MTUS2: variants seen among roughly 807,000 people sequenced by gnomAD.
The protein encoded by MTUS2 is microtubule associated scaffold protein 2.
A neutral mutation model predicts 114.1 loss-of-function variants in MTUS2; 40 were observed. That is an observed-to-expected ratio of 0.35 (90% CI 0.27 to 0.46). The LOEUF (loss-of-function observed/expected upper bound fraction) is 0.46, where lower values mean the gene tolerates loss of function less well. Ranked by LOEUF, MTUS2 falls within the 20% of genes least tolerant of loss-of-function variation. The probability of loss-of-function intolerance (pLI) is 1.00; values close to 1 mark genes in which losing one functional copy is unlikely to be tolerated. For synonymous variants in MTUS2, 688 were observed against 672.0 expected (o/e 1.02, Z -0.37); for missense variants, 1,679 against 1,705.4 (o/e 0.98, Z 0.27).
At chr13:29,123,793 C>G (rs1593501283) in intron 5 of MTUS2, among the ~76,000 whole-genome samples, 1 of 152,124 alleles carries the variant, frequency 6.6e-6, no homozygotes, top group Non-Finnish European at 1.5e-5. Context: ...CCTGGATAAA[C>G]TGGGAGTCTC....
chr13:28,893,897 C>T (rs1879075305), intron 2 of MTUS2, among the ~76,000 whole-genome samples: 1 of 152,026 alleles, frequency 6.6e-6, no homozygotes, highest in African/African-American at 2.4e-5. Context: ...AGCTAGGCAC[C>T]AGATCGACAT....
chr13:28,912,918 A>G (rs1222525597), intron 2 of MTUS2, among the ~76,000 whole-genome samples: 1 of 152,126 alleles, frequency 6.6e-6, no homozygotes, highest in African/African-American at 2.4e-5. Flanking sequence ...CATGTACACA[A>G]TACCTAATGC....
chr13:29,017,464 A>C (rs1460408643), intron 2 of MTUS2, among the ~76,000 whole-genome samples: 1 of 152,236 alleles, frequency 6.6e-6, no homozygotes, highest in Non-Finnish European at 1.5e-5. Flanking sequence ...AGAGCTGTAC[A>C]ACCGTACTTC....
chr13:29,039,135 T>C (rs1887223634), intron 4 of MTUS2, among the ~76,000 whole-genome samples: 1 of 152,186 alleles, frequency 6.6e-6, no homozygotes, highest in South Asian at 2.1e-4. Flanking sequence ...TAGAGGACTT[T>C]GTAGCGGTCC....
At chr13:28,900,357 C>T (rs1879572680) in intron 2 of MTUS2, among the ~76,000 whole-genome samples, 1 of 152,156 alleles carries the variant, frequency 6.6e-6, no homozygotes, top group Non-Finnish European at 1.5e-5. Context: ...GTTCATGTAT[C>T]ACTACCACAG....
At chr13:29,144,486 T>A (rs1234078001) in intron 5 of MTUS2, among the ~76,000 whole-genome samples, 1 of 152,106 alleles carries the variant, frequency 6.6e-6, no homozygotes, top group Non-Finnish European at 1.5e-5. Context: ...ACCTCAGCCT[T>A]CCAGTTTGCT....
At chr13:29,151,026 T>C (rs1284942929) in intron 5 of MTUS2, among the ~76,000 whole-genome samples, 3 of 152,216 alleles carry the variant, frequency 2.0e-5, no homozygotes, top group Admixed American at 6.5e-5. Context: ...TTATTTGGGC[T>C]CTTTTTTGGT....
chr13:29,256,583 G>A (rs1196260877), intron 5 of MTUS2, among the ~76,000 whole-genome samples: 1 of 152,240 alleles, frequency 6.6e-6, no homozygotes, highest in African/African-American at 2.4e-5. Flanking sequence ...CTGGCACTGA[G>A]GTCATTGTGA....
chr13:29,256,061 A>G (rs1897275212), intron 5 of MTUS2, among the ~76,000 whole-genome samples: 1 of 152,228 alleles, frequency 6.6e-6, no homozygotes, highest in African/African-American at 2.4e-5. Context: ...ACTCTGGTCA[A>G]TGTTAGTTCC....
At chr13:29,387,838 G>A (rs1413304545) in intron 8 of MTUS2, among the ~76,000 whole-genome samples, 4 of 152,122 alleles carry the variant, frequency 2.6e-5, no homozygotes, top group Non-Finnish European at 5.9e-5. Flanking sequence ...ACCATCTAGT[G>A]ATCTGAAGTC....
At chr13:29,018,794 A>AG (rs1323317217) in intron 2 of MTUS2, among the ~76,000 whole-genome samples, 2 of 140,818 alleles carry the variant, frequency 1.4e-5, no homozygotes, top group African/African-American at 5.2e-5. Context: ...CCTGCAAAAA[A>AG]AAAAAAAGAA....
chr13:28,873,898 A>G (rs1877773703), intron 2 of MTUS2, among the ~76,000 whole-genome samples: 1 of 152,230 alleles, frequency 6.6e-6, no homozygotes, highest in South Asian at 2.1e-4. Context: ...AAGTGACAAT[A>G]AGTATTTTGT....
intron 2 of MTUS2, among the ~76,000 whole-genome samples, chr13:28,983,129 G>A (rs556498192): frequency 3.3e-5 from 5 of 152,276 alleles, no homozygotes; most frequent in African/African-American, 1.2e-4. Flanking sequence ...TCCGAGGCAG[G>A]GTGGCTGTCA....
chr13:29,269,404 A>T (rs1485136488), intron 5 of MTUS2, among the ~76,000 whole-genome samples: 2 of 152,220 alleles, frequency 1.3e-5, no homozygotes, highest in African/African-American at 4.8e-5. Flanking sequence ...AGTAAAATTT[A>T]AAAAAATAGA....
At chr13:29,500,836 T>C (rs983623074) in intron 14 of MTUS2, among the ~76,000 whole-genome samples, 7 of 134,580 alleles carry the variant, frequency 5.2e-5, no homozygotes, top group South Asian at 2.4e-4. Context: ...CACACACACA[T>C]TGATACATAA....
At chr13:28,841,194 A>G (rs1452085098) in intron 2 of MTUS2, among the ~76,000 whole-genome samples, 1 of 152,204 alleles carries the variant, frequency 6.6e-6, no homozygotes, top group Non-Finnish European at 1.5e-5. Context: ...AAAAGCTATG[A>G]TGTTGCTGTT....
At chr13:29,306,770 G>A (rs1899485175) in intron 6 of MTUS2, 1 of 318,180 alleles carries the variant, frequency 3.1e-6, no homozygotes, top group Admixed American at 4.0e-5. Context: ...CCGCATCCCT[G>A]AGACATCATG....
chr13:29,458,178 G>A (rs908860284), intron 9 of MTUS2, among the ~76,000 whole-genome samples: 1 of 152,108 alleles, frequency 6.6e-6, no homozygotes, highest in Non-Finnish European at 1.5e-5. Context: ...CAGCCCTTGG[G>A]CTGTCTCATG....
At chr13:28,935,585 C>T (rs1881861216) in intron 2 of MTUS2, among the ~76,000 whole-genome samples, 1 of 152,000 alleles carries the variant, frequency 6.6e-6, no homozygotes, top group South Asian at 2.1e-4. Flanking sequence ...ACATGCTGTC[C>T]TCTCGTGGTT....
Sources: allele counts gnomAD v4.1 joint callset (sites outside exome capture counted in the v4.1 genomes callset), GRCh38; gene constraint gnomAD v4.1.1; transcripts MANE v1.5; gene names NCBI Gene and HGNC (gene_info 2026-07-23, HGNC 2026-07-21).